The following NPAS3 variants were observed in gnomAD, a reference collection of about 807,000 sequenced individuals.
The protein encoded by NPAS3 is neuronal PAS domain-containing protein 3.
Under a neutral mutation model 73.1 loss-of-function variants are expected in NPAS3, and 14 were observed. That is an observed-to-expected ratio of 0.19 (90% CI 0.13 to 0.30). The LOEUF (loss-of-function observed/expected upper bound fraction) is 0.30, where lower values mean the gene tolerates loss of function less well. Ranked by LOEUF, NPAS3 falls within the 10% of genes least tolerant of loss-of-function variation. The pLI, the probability that NPAS3 is intolerant of heterozygous loss-of-function variation, is 1.00. For synonymous variants in NPAS3, 620 were observed against 541.5 expected (o/e 1.14, Z -2.01); for missense variants, 1,096 against 1,250.0 (o/e 0.88, Z 1.86).
At chr14:33,641,414 A>G (rs1374788417) in intron 5 of NPAS3, among the ~76,000 whole-genome samples, 1 of 152,220 alleles carries the variant, frequency 6.6e-6, no homozygotes, top group Non-Finnish European at 1.5e-5. Context: ...TCCTCATACC[A>G]GCTAAAGGGC....
At chr14:33,774,726 A>C (rs771735584) in intron 8 of NPAS3, among the ~76,000 whole-genome samples, 196 bp downstream of exon 8, 11 of 152,162 alleles carry the variant, frequency 7.2e-5, no homozygotes, top group Admixed American at 2.0e-4. Context: ...TACGTTAGGG[A>C]CAACAATTAA....
chr14:33,543,080 G>T (rs187092934), intron 4 of NPAS3, among the ~76,000 whole-genome samples: 256 of 152,338 alleles, frequency 1.7e-3, no homozygotes, highest in Non-Finnish European at 3.3e-3. Context: ...GGAGGGCACA[G>T]TTGCTAAGGG....
chr14:33,010,836 GA>G (rs1183633500), intron 1 of NPAS3, among the ~76,000 whole-genome samples: 1 of 151,554 alleles, frequency 6.6e-6, no homozygotes, highest in African/African-American at 2.4e-5. Context: ...TTGGGAGGCT[GA>G]AGCGGGGGGA....
In NPAS3 at chr14:33,143,345, G is replaced by A. The variant is rs552309324; in HGVS notation, c.141-71837G>A. 5.9e-5 allele frequency among the ~76,000 whole-genome samples: 9 copies of A among 152,044 alleles called. No homozygotes were observed. The East Asian group carries it at 1.8e-3, about 30-fold the overall frequency. On this transcript the variant is annotated intron_variant, in intron 2 of 11. Transcript: ENST00000356141. ...CGTTTCTACTAAAAATACAAAATTA[G>A]CCAGGCATGGCAGCGCATGCCTGTA...
At chr14:32,957,457 C>T (rs573240262) in intron 1 of NPAS3, among the ~76,000 whole-genome samples, 29 of 151,206 alleles carry the variant, frequency 1.9e-4, no homozygotes, top group African/African-American at 4.1e-4. Flanking sequence ...CTGCAAGCTC[C>T]GCCTCCTGGG....
chr14:33,732,716 C>T (rs182286745), intron 6 of NPAS3, among the ~76,000 whole-genome samples: 2 of 152,232 alleles, frequency 1.3e-5, no homozygotes, highest in African/African-American at 2.4e-5. Flanking sequence ...GAGGCAAAAC[C>T]GACCTTAACA....
intron 3 of NPAS3, among the ~76,000 whole-genome samples, chr14:33,258,414 A>T (rs767787998): frequency 7.2e-5 from 11 of 152,204 alleles, no homozygotes; most frequent in Non-Finnish European, 1.3e-4. Flanking sequence ...TATAAAAAAA[A>T]GTTAAAATGC....
At chr14:33,734,473 G>A (rs2061476352) in intron 6 of NPAS3, among the ~76,000 whole-genome samples, 1 of 152,124 alleles carries the variant, frequency 6.6e-6, no homozygotes, top group Admixed American at 6.6e-5. Flanking sequence ...AGGAAAGAGT[G>A]ACTATCTTGT....
intron 6 of NPAS3, among the ~76,000 whole-genome samples, chr14:33,726,192 A>C (rs1389084794): frequency 6.6e-6 from 1 of 152,116 alleles, no homozygotes; most frequent in African/African-American, 2.4e-5. Flanking sequence ...TCCTTATCCC[A>C]CTTTTTGACT....
intron 4 of NPAS3, among the ~76,000 whole-genome samples, chr14:33,509,836 C>G (rs1362289113): frequency 6.6e-6 from 1 of 151,996 alleles, no homozygotes; most frequent in African/African-American, 2.4e-5. Flanking sequence ...CGCTATCAGA[C>G]TATGTTTATG....
chr14:33,136,515 C>T (rs7153152), intron 2 of NPAS3, among the ~76,000 whole-genome samples: 146,729 of 152,292 alleles, frequency 0.96, 70,775 homozygotes, highest in Middle Eastern at 0.99. Context: ...ATGACAGTAA[C>T]TCAGTTTTAA....
chr14:33,241,533 T>C (rs2048213363), intron 3 of NPAS3, among the ~76,000 whole-genome samples: 1 of 151,964 alleles, frequency 6.6e-6, no homozygotes, highest in South Asian at 2.1e-4. Context: ...TTTTGAAGTA[T>C]GATCTCTGAA....
At chr14:33,007,573 G>T (rs1478468748) in intron 1 of NPAS3, among the ~76,000 whole-genome samples, 1 of 152,140 alleles carries the variant, frequency 6.6e-6, no homozygotes, top group Non-Finnish European at 1.5e-5. Flanking sequence ...ATATTGTTTT[G>T]TTCTGCAGAT....
At chr14:32,964,798 G>C (rs1340505834) in intron 1 of NPAS3, among the ~76,000 whole-genome samples, 5 of 146,464 alleles carry the variant, frequency 3.4e-5, no homozygotes, top group African/African-American at 1.2e-4. Context: ...AACATAGCAA[G>C]ACCCCTGTCT....
At chr14:33,723,996 A>G (rs1285659137) in intron 6 of NPAS3, among the ~76,000 whole-genome samples, 1 of 152,164 alleles carries the variant, frequency 6.6e-6, no homozygotes, top group Non-Finnish European at 1.5e-5. Flanking sequence ...TAGCACGATC[A>G]AACCTTGGGC....
intron 4 of NPAS3, among the ~76,000 whole-genome samples, chr14:33,546,613 A>G (rs1711726213): frequency 6.6e-6 from 1 of 152,148 alleles, no homozygotes; most frequent in African/African-American, 2.4e-5. Context: ...TATCCTGCTC[A>G]ATATGTTGAT....
chr14:33,765,089 G>C (rs1308000542), intron 7 of NPAS3, among the ~76,000 whole-genome samples: 1 of 152,104 alleles, frequency 6.6e-6, no homozygotes, highest in Admixed American at 6.5e-5. Flanking sequence ...AGCTAATGGG[G>C]GGGCCAGGCA....
chr14:33,001,187 T>C (rs2038792680), intron 1 of NPAS3, among the ~76,000 whole-genome samples: 1 of 152,212 alleles, frequency 6.6e-6, no homozygotes, highest in African/African-American at 2.4e-5. Context: ...GGAGTCTTCC[T>C]GTAGGTTCTA....
chr14:33,178,329 T>G (rs1236719901), intron 2 of NPAS3, among the ~76,000 whole-genome samples: 1 of 152,078 alleles, frequency 6.6e-6, no homozygotes, highest in Admixed American at 6.6e-5. Context: ...TGCCTCGGCC[T>G]CCCAAAATGC....
Sources: gnomAD v4.1 joint callset for allele counts (sites outside exome capture counted in the v4.1 genomes callset) on GRCh38, gnomAD v4.1.1 for gene constraint, MANE v1.5 for transcripts, NCBI Gene and HGNC (gene_info 2026-07-23, HGNC 2026-07-21) for gene names.